The following RPS6KA6 variants were observed in gnomAD, a reference collection of about 807,000 sequenced individuals.
RPS6KA6 encodes ribosomal protein S6 kinase alpha-6.
In RPS6KA6, 27 loss-of-function variants were observed where a neutral mutation model predicts 65.4. The observed-to-expected ratio is 0.41, with a 90% CI of 0.30 to 0.57. The LOEUF (loss-of-function observed/expected upper bound fraction) is 0.57, where lower values mean the gene tolerates loss of function less well. Ranked by LOEUF, RPS6KA6 falls within the 20% of genes least tolerant of loss-of-function variation. The probability of loss-of-function intolerance (pLI) is 0.24; values close to 1 mark genes in which losing one functional copy is unlikely to be tolerated. For missense variants in RPS6KA6, 486 were observed against 555.6 expected, an observed-to-expected ratio of 0.87 and a Z score of 1.26; for synonymous variants, 190 against 184.2, an observed-to-expected ratio of 1.03 and a Z score of -0.26.
chrX:84,167,719 A>G (rs751512004), intron 1 of RPS6KA6, among the ~76,000 whole-genome samples: 3 of 111,121 alleles, frequency 2.7e-5, no homozygotes, highest in South Asian at 3.8e-4. Context: ...AGAAGAAATT[A>G]GTGGTTGCAA....
At chrX:84,101,013 C>T (rs372159122) in intron 18 of RPS6KA6, among the ~76,000 whole-genome samples, 1 of 110,043 alleles carries the variant, frequency 9.1e-6, no homozygotes, top group Non-Finnish European at 1.9e-5. Flanking sequence ...GTTAATATAT[C>T]TGATGTGCAA....
intron 9 of RPS6KA6, among the ~76,000 whole-genome samples, chrX:84,118,339 C>G (rs1197768420): frequency 1.8e-5 from 2 of 111,312 alleles, no homozygotes; most frequent in African/African-American, 3.3e-5. Context: ...GGTACGCCAC[C>G]AAAGACTGGA....
At chrX:84,177,132 TAGA>T (rs1246782455) in intron 1 of RPS6KA6, among the ~76,000 whole-genome samples, 2 of 111,757 alleles carry the variant, frequency 1.8e-5, no homozygotes, top group African/African-American at 6.5e-5. Context: ...AAGTCACAGG[TAGA>T]AGAAGATGGT....
Position 84,117,473 on chromosome X carries a change from A to G in RPS6KA6, c.790-19T>C. ...TTTCAAACTAAAACAAACAAACAAA[A>G]CACACCACACAATTAGAACACCTTA... On this transcript the variant is annotated intron_variant, in intron 9 of 21. Transcript: ENST00000262752. 9.7e-7 allele frequency: 1 copy of G among 1,033,679 alleles called. No individual in the cohort carries two copies. The highest frequency in any genetic ancestry group is 2.7e-5 in the Admixed American group (1 of 36,521). 85.2% of individuals were successfully genotyped at this position (1,033,679 alleles called of 1,213,427 possible).
At chrX:84,075,492 A>G (rs1341042186) in intron 20 of RPS6KA6, among the ~76,000 whole-genome samples, 1 of 111,270 alleles carries the variant, frequency 9.0e-6, no homozygotes, top group Non-Finnish European at 1.9e-5. Flanking sequence ...ATGGCCCCCA[A>G]ATGTCCAAAT....
Position 84,106,893 on chromosome X carries a change from G to C in RPS6KA6, c.1242+17C>G. The C allele has an allele frequency of 2.6e-6, 3 of 1,134,249 alleles. No individual in the cohort carries two copies. The highest frequency in any genetic ancestry group is 3.6e-6 in the Non-Finnish European group (3 of 840,702). 93.5% of individuals were successfully genotyped at this position (1,134,249 alleles called of 1,213,427 possible). A position where few individuals can be genotyped will look rare whatever the true frequency, so the allele number is the denominator to read the frequency against. The stretch of plus-strand genomic sequence containing the variant: ...TAATTATCCCAAAACTGAATAATGT[G>C]ATTAAGTGGAATTTACCTGAACAAT... On this transcript the variant is annotated intron_variant, in intron 14 of 21. Coordinates refer to ENST00000262752, the MANE Select transcript of RPS6KA6 (RefSeq NM_014496.5).
chrX:84,105,318 G>A (rs1215946627), intron 16 of RPS6KA6, among the ~76,000 whole-genome samples: 1 of 111,123 alleles, frequency 9.0e-6, no homozygotes, highest in Non-Finnish European at 1.9e-5. Flanking sequence ...TGAAAAGTGA[G>A]CATTCAGTAA....
At chrX:84,187,694 A>G in intron 1 of RPS6KA6, 125 bp downstream of exon 1, 1 of 625,731 alleles carries the variant, frequency 1.6e-6, no homozygotes, top group Non-Finnish European at 2.4e-6. Context: ...TGGAGGCAGC[A>G]TCAAGGGGGC....
rs1423333421 is a variant in RPS6KA6 at position 84,104,597 on chromosome X, G to A, written c.1516C>T (p.Leu506Phe). The change falls in exon 17 of 22, where the codon CTT becomes TTT. Residue 506 changes from leucine to phenylalanine, a missense_variant. By Grantham distance (22) the Leu-to-Phe change is conservative. This residue lies in a region of RPS6KA6 where 345 missense variants were observed against 375.0 expected (regional missense o/e 0.92). Coordinates refer to ENST00000262752, the MANE Select transcript of RPS6KA6 (RefSeq NM_014496.5). ...VTDLMKGGELLDRILKQKCFS... is the reference protein window; with the variant it reads ...VTDLMKGGELFDRILKQKCFS... The stretch of plus-strand genomic sequence containing the variant: ...CATTTTTGTTTGAGAATACGGTCAA[G>A]TAACTCTCCTCCTTTCATTAAATCC... 8.5e-7 allele frequency: 1 copy of A among 1,183,327 alleles called. No individual in the cohort carries two copies. The highest frequency in any genetic ancestry group is 2.3e-5 in the Admixed American group (1 of 44,171).
intron 20 of RPS6KA6, among the ~76,000 whole-genome samples, chrX:84,070,743 G>T (rs1240046532): frequency 1.8e-5 from 2 of 110,475 alleles, no homozygotes; most frequent in African/African-American, 3.3e-5. Context: ...GGGGAAACAT[G>T]TGCAAAAATA....
intron 1 of RPS6KA6, among the ~76,000 whole-genome samples, chrX:84,178,973 G>T (rs2035808169): frequency 9.0e-6 from 1 of 110,961 alleles, no homozygotes; most frequent in Admixed American, 9.6e-5. Flanking sequence ...TTTATTAAGA[G>T]AATGAAAAGA....
intron 1 of RPS6KA6, among the ~76,000 whole-genome samples, chrX:84,178,370 C>T (rs749765447): frequency 8.3e-4 from 93 of 111,694 alleles, no homozygotes; most frequent in African/African-American, 2.9e-3. Context: ...ACTTCTAGCA[C>T]CATTAGGTTT....
chrX:84,125,987 ATGAG>A (rs943016581), intron 8 of RPS6KA6, among the ~76,000 whole-genome samples: 7 of 111,884 alleles, frequency 6.3e-5, no homozygotes, highest in African/African-American at 9.8e-5. Context: ...AAAAAATGGC[ATGAG>A]TAAGTCCCGA....
Position 84,188,032 on chromosome X carries a change from G to C in RPS6KA6, c.-133C>G, listed in dbSNP as rs1261476060. The C allele has an allele frequency of 1.5e-5, 4 of 274,398 alleles. No individual in the cohort carries two copies. The highest frequency in any genetic ancestry group is 2.0e-5 in the Non-Finnish European group (4 of 199,965). 22.6% of individuals were successfully genotyped at this position (274,398 alleles called of 1,213,427 possible). On this transcript the variant is annotated 5_prime_UTR_variant, in exon 1 of 22. Transcript: ENST00000262752. ...CGCGACCCCCAGCCCCGCCTTCAGC[G>C]AGCGCTGCCCTCGCCGCCGGGTCTC...
At chrX:84,126,785 T>C (rs1168320522) in intron 8 of RPS6KA6, among the ~76,000 whole-genome samples, 1 of 110,837 alleles carries the variant, frequency 9.0e-6, no homozygotes, top group Non-Finnish European at 1.9e-5. Context: ...AATTTAAAAA[T>C]TTCTTGAAAT....
At chrX:84,186,400 T>A (rs192934770) in intron 1 of RPS6KA6, among the ~76,000 whole-genome samples, 2 of 112,178 alleles carry the variant, frequency 1.8e-5, no homozygotes, top group African/African-American at 3.2e-5. Flanking sequence ...GCTAGACAAT[T>A]GTGCAAACAG....
chrX:84,115,422 C>T (rs1314198759), intron 12 of RPS6KA6, among the ~76,000 whole-genome samples: 5 of 111,654 alleles, frequency 4.5e-5, no homozygotes, highest in Admixed American at 1.9e-4. Context: ...TTATATCAGT[C>T]AGGAGGGCTT....
At chrX:84,095,775 G>A (rs148479144) in intron 20 of RPS6KA6, among the ~76,000 whole-genome samples, 494 of 111,778 alleles carry the variant, frequency 4.4e-3, no homozygotes, top group Non-Finnish European at 7.8e-3. Context: ...AGGTGCCACA[G>A]ATACATAGTC....
chrX:84,164,372 T>C lies in RPS6KA6; in HGVS notation c.97A>G (p.Met33Val), dbSNP rs1291212038. 1.0e-5 allele frequency: 12 copies of C among 1,191,130 alleles called. No homozygotes were observed. Among genetic ancestry groups the C allele is most frequent in the Non-Finnish European group, 1.2e-5 (11 of 880,194 alleles). The change falls in exon 2 of 22, where the codon ATG becomes GTG. Residue 33 changes from methionine to valine, a missense_variant. By Grantham distance (21) the Met-to-Val change is conservative (BLOSUM62 1). Coordinates refer to ENST00000262752, the MANE Select transcript of RPS6KA6 (RefSeq NM_014496.5). ...CCCTCTTCCATTGGCTCATCAACCA[T>C]TTTAAGACCATTTACCTGAAAAACA... is the stretch of plus-strand genomic sequence containing the variant. ...ASSGEVNGLK[M>V]VDEPMEEGEA...
Sources: gnomAD v4.1 joint callset for allele counts (sites outside exome capture counted in the v4.1 genomes callset) on GRCh38, gnomAD v4.1.1 for gene constraint, gnomAD v4.1.1 regional missense constraint, MANE v1.5 for transcripts, NCBI Gene and HGNC (gene_info 2026-07-23, HGNC 2026-07-21) for gene names.